ACP3: variants seen among roughly 807,000 people sequenced by gnomAD.
ACP3 encodes the protein acid phosphatase 3, also known as prostatic acid phosphatase.
In ACP3, 38 loss-of-function variants were observed where a neutral mutation model predicts 45.6. The ratio of observed to expected loss-of-function variants is 0.83; its 90% confidence interval spans 0.64 to 1.09. The LOEUF (loss-of-function observed/expected upper bound fraction) is 1.09. Ranked by LOEUF, ACP3 falls within the 50% of genes least tolerant of loss-of-function variation. The pLI, the probability that ACP3 is intolerant of heterozygous loss-of-function variation, is 0.00. For synonymous variants in ACP3, 162 were observed against 164.7 expected, an observed-to-expected ratio of 0.98 and a Z score of 0.13; for missense variants, 466 against 463.2, an observed-to-expected ratio of 1.01 and a Z score of -0.05.
In ACP3 at chr3:132,357,550, A is replaced by G. The variant is rs1937936248; in HGVS notation, c.*672A>G. 2.0e-6 allele frequency: 2 copies of G among 984,902 alleles called. No individual in the cohort carries two copies. Among genetic ancestry groups the G allele is most frequent in the African/African-American group, 3.5e-5 (2 of 57,356 alleles). The allele number at this position is 984,902 out of a possible 1,614,324, so 61.0% of individuals were successfully genotyped here. A position where few individuals can be genotyped will look rare whatever the true frequency, so the allele number is the denominator to read the frequency against. On this transcript the variant is annotated 3_prime_UTR_variant, in exon 10 of 10. Transcript: ENST00000336375. ...TCCTGGAACATTTATGTTCCTTTTA[A>G]AGAAACAAAAATCAAACTTTACAGA...
chr3:132,325,270 T>C (rs1470526402), intron 1 of ACP3, among the ~76,000 whole-genome samples: 1 of 152,174 alleles, frequency 6.6e-6, no homozygotes, highest in Non-Finnish European at 1.5e-5. Flanking sequence ...GTTTATTAAG[T>C]GTTTCTCCAG....
chr3:132,350,156 C>A (rs1364791628), intron 8 of ACP3, among the ~76,000 whole-genome samples, 154 bp downstream of exon 8: 1 of 150,424 alleles, frequency 6.6e-6, no homozygotes, highest in Non-Finnish European at 1.5e-5. Context: ...ATCATTCTGT[C>A]CTTTAAGGGA....
At chr3:132,347,812 G>T (rs1213237144) in intron 7 of ACP3, among the ~76,000 whole-genome samples, 1 of 147,842 alleles carries the variant, frequency 6.8e-6, no homozygotes, top group Non-Finnish European at 1.5e-5. Flanking sequence ...TTTAACTTCA[G>T]GGGTGACACT....
downstream of ACP3, among the ~76,000 whole-genome samples, chr3:132,361,478 T>G (rs1938039087): frequency 6.6e-6 from 1 of 152,322 alleles, no homozygotes; most frequent in Admixed American, 6.5e-5. Context: ...CCTAAGCCTC[T>G]AGATCAAGTC....
chr3:132,348,502 A>T (rs1304323685), intron 7 of ACP3, among the ~76,000 whole-genome samples: 1 of 152,176 alleles, frequency 6.6e-6, no homozygotes, highest in African/African-American at 2.4e-5. Context: ...GTGTAATCAT[A>T]CCAGAACCAA....
intron 1 of ACP3, among the ~76,000 whole-genome samples, chr3:132,323,203 G>A (rs1239322238): frequency 6.6e-6 from 1 of 151,498 alleles, no homozygotes; most frequent in Non-Finnish European, 1.5e-5. Flanking sequence ...ACACCTTGCT[G>A]ATAAATAAGG....
intron 7 of ACP3, among the ~76,000 whole-genome samples, chr3:132,349,066 TAA>T (rs1337645423): frequency 7.3e-6 from 1 of 137,500 alleles, no homozygotes; most frequent in African/African-American, 2.6e-5. Flanking sequence ...TGATGCAGGG[TAA>T]AGAGACCAAC....
chr3:132,332,148 A>C, intron 3 of ACP3, 44 bp from the exon 4 acceptor site: 3 of 1,612,652 alleles, frequency 1.9e-6, no homozygotes, highest in Non-Finnish European at 2.5e-6. Context: ...AAAAAACCTC[A>C]TGCTCCCTTT....
intron 10 of ACP3, among the ~76,000 whole-genome samples, chr3:132,367,151 A>G (rs1230865398): frequency 6.6e-6 from 1 of 152,232 alleles, no homozygotes; most frequent in African/African-American, 2.4e-5. Context: ...AATGGCCCCA[A>G]ATATCTGCTT....
chr3:132,334,931 C>G (rs565454712), intron 4 of ACP3, among the ~76,000 whole-genome samples: 1 of 151,946 alleles, frequency 6.6e-6, no homozygotes, highest in South Asian at 2.1e-4. Flanking sequence ...ATAGCACCCA[C>G]CTAACTTCTT....
In ACP3 at chr3:132,358,328, G is replaced by C. The variant is rs1015690006; in HGVS notation, c.*1450G>C. The C allele has an allele frequency of 1.8e-6, 2 of 1,112,484 alleles. No homozygotes were observed. The highest frequency in any genetic ancestry group is 2.2e-6 in the Non-Finnish European group (2 of 893,136). The allele number at this position is 1,112,484 out of a possible 1,614,324, so 68.9% of individuals were successfully genotyped here. A position where few individuals can be genotyped will look rare whatever the true frequency, so the allele number is the denominator to read the frequency against. On this transcript the variant is annotated 3_prime_UTR_variant, in exon 10 of 10. Coordinates refer to ENST00000336375, the MANE Select transcript of ACP3 (RefSeq NM_001099.5). ...AGTTCAAAACTTATTGGAATGTTGA[G>C]AGTGTGGTTACGAAATACGTTAGGA...
Position 132,328,801 on chromosome 3 carries a change from C to G in ACP3, c.216+439C>G, listed in dbSNP as rs73001156. Among the ~76,000 whole-genome samples, 813 of 149,916 alleles carry G rather than the reference C, an allele frequency of 5.4e-3. 8 individuals are homozygous for G. Among genetic ancestry groups the G allele is most frequent in the African/African-American group, 0.018 (752 of 40,830 alleles). On this transcript the variant is annotated intron_variant, in intron 2 of 9. Transcript: ENST00000336375. The stretch of plus-strand genomic sequence containing the variant: ...TTTAAATGTAAGAGATGTACATGAA[C>G]AAAGACTATATGAGCTTAGAAATGC...
intron 7 of ACP3, among the ~76,000 whole-genome samples, chr3:132,347,647 A>AT (rs939605365): frequency 1.3e-5 from 2 of 151,468 alleles, no homozygotes; most frequent in African/African-American, 4.9e-5. Flanking sequence ...GCCCAGCTAA[A>AT]TTTTTTTTAA....
chr3:132,361,782 G>A (rs1163212330), downstream of ACP3, among the ~76,000 whole-genome samples: 3 of 152,114 alleles, frequency 2.0e-5, no homozygotes, highest in Non-Finnish European at 4.4e-5. Context: ...AAATATCTCA[G>A]TAGCTTTAAC....
At chr3:132,325,984 C>T (rs938002479) in intron 1 of ACP3, among the ~76,000 whole-genome samples, 4 of 152,168 alleles carry the variant, frequency 2.6e-5, no homozygotes, top group Non-Finnish European at 4.4e-5. Context: ...AAGGAGTTAC[C>T]GTTGTGGTTA....
At chr3:132,319,625 A>G (rs1276130884) in intron 1 of ACP3, among the ~76,000 whole-genome samples, 2 of 152,244 alleles carry the variant, frequency 1.3e-5, no homozygotes, top group Non-Finnish European at 2.9e-5. Flanking sequence ...AAAGTTTTGT[A>G]AAACTTATTA....
rs568285651 is a variant in ACP3, at chr3:132,328,919, A to G, written c.216+557A>G. 7.2e-5 allele frequency among the ~76,000 whole-genome samples: 11 copies of G among 152,328 alleles called. No individual in the cohort carries two copies. The South Asian group carries it at 2.3e-3, about 32-fold the overall frequency. On this transcript the variant is annotated intron_variant, in intron 2 of 9. Coordinates refer to ENST00000336375, the MANE Select transcript of ACP3 (RefSeq NM_001099.5). ...AAATAGTCTTGTAATCAATAAGCTG[A>G]ATCAACAGCATTGGGAAACATGATT...
At chr3:132,333,887 A>G (rs886496730) in intron 4 of ACP3, among the ~76,000 whole-genome samples, 2 of 152,148 alleles carry the variant, frequency 1.3e-5, no homozygotes, top group Admixed American at 6.5e-5. Flanking sequence ...CCTGGCTAAC[A>G]TGGTGAAACC....
chr3:132,343,323 TG>T (rs1266629587), intron 6 of ACP3, among the ~76,000 whole-genome samples: 1 of 152,174 alleles, frequency 6.6e-6, no homozygotes, highest in East Asian at 1.9e-4. Flanking sequence ...CGTGAGAGTC[TG>T]GGGGGCAGCA....
Sources: allele counts gnomAD v4.1 joint callset (sites outside exome capture counted in the v4.1 genomes callset), GRCh38; gene constraint gnomAD v4.1.1; transcripts MANE v1.5; gene names NCBI Gene and HGNC (gene_info 2026-07-23, HGNC 2026-07-21).